Variants in CHD4 observed in about 807,000 individuals in gnomAD.
CHD4 encodes the protein chromodomain helicase DNA binding protein 4.
Under a neutral mutation model 235.5 loss-of-function variants are expected in CHD4, and 35 were observed. The observed-to-expected ratio is 0.15, with a 90% CI of 0.11 to 0.20. The LOEUF is 0.20. CHD4 is among the 10% of genes least tolerant of loss of function. The probability of loss-of-function intolerance (pLI) is 1.00; values close to 1 mark genes in which losing one functional copy is unlikely to be tolerated. For synonymous variants in CHD4, 900 were observed against 850.2 expected, an observed-to-expected ratio of 1.06 and a Z score of -1.02; for missense variants, 1,329 against 2,432.3, an observed-to-expected ratio of 0.55 and a Z score of 9.54.
At chr12:6,595,181 G>A (rs141751837) in intron 14 of CHD4, among the ~76,000 whole-genome samples, 153 bp downstream of exon 14, 1 of 151,378 alleles carries the variant, frequency 6.6e-6, no homozygotes. Flanking sequence ...CTGATATATA[G>A]AGATGTGGAG....
intron 2 of CHD4, among the ~76,000 whole-genome samples, chr12:6,605,719 G>T (rs916960605): frequency 6.6e-6 from 1 of 152,100 alleles, no homozygotes; most frequent in Non-Finnish European, 1.5e-5. Context: ...CTGCCTGGCT[G>T]CTTTAAGCAC....
At chr12:6,586,386 G>A (rs1350326812) in intron 25 of CHD4, among the ~76,000 whole-genome samples, 1 of 152,040 alleles carries the variant, frequency 6.6e-6, no homozygotes, top group Non-Finnish European at 1.5e-5. Flanking sequence ...GGGGGAGAGA[G>A]TGAGATTCCA....
rs754440306 is a variant in CHD4, at chr12:6,578,856, T to G, written c.4971A>C (p.Val1657=). The change falls in exon 34 of 40, where the codon GTA becomes GTC. Residue 1657 remains valine, a synonymous_variant. Transcript: ENST00000544040. ...KSAIDLTPIV[V]EDKEEKKEEE... ...TCTCCAAACACCCACCTTTGTCTTCTACCACAATAGGGGTCAGATCTATTG... is the reference window on the plus strand; with the variant it reads ...TCTCCAAACACCCACCTTTGTCTTCGACCACAATAGGGGTCAGATCTATTG... 5 of 1,614,086 alleles carry G rather than the reference T, an allele frequency of 3.1e-6. No individual in the cohort carries two copies. Among genetic ancestry groups the G allele is most frequent in the Middle Eastern group, 3.3e-4 (2 of 6,084 alleles).
rs775416082 is a variant in CHD4, at chr12:6,601,654, A to C, written c.551T>G (p.Phe184Cys). 1 of 1,614,102 alleles carries C rather than the reference A, an allele frequency of 6.2e-7. No individual in the cohort carries two copies. Among genetic ancestry groups the C allele is most frequent in the Non-Finnish European group, 8.5e-7 (1 of 1,179,988 alleles). ...TLTNYKAFSQFVRPLIAAKNP... is the reference protein window; with the variant it reads ...TLTNYKAFSQCVRPLIAAKNP... The stretch of plus-strand genomic sequence containing the variant: ...CAAACCCCTTCTGTTTTACCTGACA[A>C]ACTGGCTGAAGGCCTTGTAGTTGGT... Residue 184 changes from phenylalanine (F) to cysteine (C), a missense_variant, in exon 5 of 40, where the codon TTT becomes TGT. Phe to Cys is a radical substitution (Grantham distance 205). This residue lies in a region of CHD4 where 39 missense variants were observed against 86.6 expected (regional missense o/e 0.45). Transcript: ENST00000544040.
chr12:6,578,961 A>G lies in CHD4; in HGVS notation c.4910-44T>C, dbSNP rs201933013. 12 of 1,554,728 alleles carry G rather than the reference A, an allele frequency of 7.7e-6. No individual in the cohort carries two copies. In the African/African-American group the frequency reaches 9.5e-5, roughly 12 times the overall value. ...TTGAGACTATACCTAAAGGAAGAACATTCTCCTCTGTTGCACACTATTATC... is the reference window on the plus strand; with the variant it reads ...TTGAGACTATACCTAAAGGAAGAACGTTCTCCTCTGTTGCACACTATTATC... On this transcript the variant is annotated intron_variant, in intron 33 of 39. Transcript: ENST00000544040.
intron 1 of CHD4, 148 bp from the exon 2 acceptor site, chr12:6,606,599 C>T (rs1354413437): frequency 1.9e-5 from 8 of 418,488 alleles, no homozygotes; most frequent in Non-Finnish European, 3.4e-5. Context: ...CCACACTCCT[C>T]GGGGGCAGCC....
intron 37 of CHD4, among the ~76,000 whole-genome samples, chr12:6,574,609 T>C (rs1948037137): frequency 6.6e-6 from 1 of 152,242 alleles, no homozygotes; most frequent in South Asian, 2.1e-4. Flanking sequence ...GATGATTTGA[T>C]GCTTCTCAAA....
In CHD4 at chr12:6,599,020, C is replaced by T. The variant is rs986875882; in HGVS notation, c.1483-595G>A. Among the ~76,000 whole-genome samples the T allele has an allele frequency of 5.9e-5, 9 of 152,210 alleles. No homozygotes were observed. The East Asian group carries it at 7.7e-4, about 13-fold the overall frequency. On this transcript the variant is annotated intron_variant, in intron 10 of 39. Transcript: ENST00000544040. ...ATTTGCGTGCCACCATCACTCCTATCTGCTTAACAGAGCCAGTAGTTAGAC... is the reference window on the plus strand; with the variant it reads ...ATTTGCGTGCCACCATCACTCCTATTTGCTTAACAGAGCCAGTAGTTAGAC...
chr12:6,578,954 G>T, intron 33 of CHD4, 37 bp from the exon 34 acceptor site: 1 of 1,578,082 alleles, frequency 6.3e-7, no homozygotes, highest in Non-Finnish European at 8.7e-7. Context: ...ATACCTAAAG[G>T]AAGAACATTC....
chr12:6,602,201 G>A, intron 3 of CHD4, 26 bp from the exon 4 acceptor site: 1 of 1,611,992 alleles, frequency 6.2e-7, no homozygotes, highest in Non-Finnish European at 8.5e-7. Flanking sequence ...GGGGGAAGAG[G>A]GAGACAGACA....
In CHD4 at chr12:6,600,017, A is replaced by G. The variant is rs572567744; in HGVS notation, c.1243-5T>C. On this transcript the variant is annotated splice_polypyrimidine_tract_variant and splice_region_variant and intron_variant, in intron 9 of 39. Transcript: ENST00000544040. ...CCACTGGATGCCTTCCTTCTCCTGC[A>G]GTAAAGGACCACAGATTCAGATTAT... The G allele has an allele frequency of 5.6e-5, 90 of 1,613,956 alleles. 1 individual carries two copies. In the South Asian group the frequency reaches 9.6e-4, roughly 17 times the overall value.
intron 2 of CHD4, among the ~76,000 whole-genome samples, chr12:6,605,563 T>A (rs1472706880): frequency 6.6e-6 from 1 of 152,066 alleles, no homozygotes; most frequent in African/African-American, 2.4e-5. Flanking sequence ...GGCTACCTCA[T>A]AGAGACAGAA....
In CHD4 at chr12:6,587,212, T is replaced by A. The variant is rs545676486; in HGVS notation, c.3879+172A>T. ...AGTTTTCTGACAACCAAGGCAAAGA[T>A]GAAAATCTGATTAGTCATGTTATCA... On this transcript the variant is annotated intron_variant, in intron 25 of 39. Transcript: ENST00000544040. The A allele has an allele frequency of 6.2e-6, 4 of 641,346 alleles. No individual in the cohort carries two copies. The South Asian group carries it at 9.1e-5, about 15-fold the overall frequency. 39.7% of individuals were successfully genotyped at this position (641,346 alleles called of 1,614,324 possible).
chr12:6,592,115 T>C (rs1166300884), intron 19 of CHD4, 58 bp from the exon 20 acceptor site: 3 of 1,596,060 alleles, frequency 1.9e-6, no homozygotes, highest in African/African-American at 1.3e-5. Flanking sequence ...TGACTAATAA[T>C]GCAGTGCCAA....
At chr12:6,601,129 G>A (rs1948582430) in intron 6 of CHD4, 76 bp from the exon 7 acceptor site, 1 of 1,523,596 alleles carries the variant, frequency 6.6e-7, no homozygotes, top group Non-Finnish European at 8.8e-7. Flanking sequence ...ACCTAAGCTT[G>A]CTTCCCCACA....
At position 6,602,460 on chromosome 12, in the gene CHD4, T is replaced by C. The variant is rs749805831; in HGVS notation, c.138A>G (p.Thr46=). ...EEDPEEDLSE[T]ETPKLKKKKK... is the part of the protein sequence containing the mutation. ...TCTTCTTCTTGAGCTTTGGAGTCTCTGTTTCTGACAAATCCTCTTCTGGGT... is the reference window on the plus strand; with the variant it reads ...TCTTCTTCTTGAGCTTTGGAGTCTCCGTTTCTGACAAATCCTCTTCTGGGT... The change falls in exon 3 of 40, where the codon ACA becomes ACG. Residue 46 remains threonine (T), a synonymous_variant. Transcript: ENST00000544040. The C allele has an allele frequency of 2.5e-6, 4 of 1,614,084 alleles. No individual in the cohort carries two copies. Among genetic ancestry groups the C allele is most frequent in the Middle Eastern group, 1.6e-4 (1 of 6,062 alleles).
chr12:6,606,465 G>C lies in CHD4; in HGVS notation c.-78-14C>G, dbSNP rs71584859. The C allele has an allele frequency of 7.7e-5, 52 of 675,298 alleles. No homozygotes were observed. Among genetic ancestry groups the C allele is most frequent in the Middle Eastern group, 7.4e-4 (2 of 2,690 alleles). 41.8% of individuals were successfully genotyped at this position (675,298 alleles called of 1,614,324 possible). A position where few individuals can be genotyped will look rare whatever the true frequency, so the allele number is the denominator to read the frequency against. ...TGGCCCGAGTCACTGTGCGGGGGAGGGGGGAGAAACACAGAACAGTCAGTG... is the reference window on the plus strand; with the variant it reads ...TGGCCCGAGTCACTGTGCGGGGGAGCGGGGAGAAACACAGAACAGTCAGTG... On this transcript the variant is annotated splice_polypyrimidine_tract_variant and intron_variant, in intron 1 of 39. Coordinates refer to ENST00000544040, the MANE Select transcript of CHD4 (RefSeq NM_001273.5).
In CHD4 at chr12:6,604,382, G is replaced by A. The variant is rs1431947566; in HGVS notation, c.101-1885C>T. On this transcript the variant is annotated intron_variant, in intron 2 of 39. Transcript: ENST00000544040. ...CTCTGGCTCCCCACTTCCTGAGCTA[G>A]ACAGATACTAGGGAATGAGACATTA... is the stretch of plus-strand genomic sequence containing the variant. Among the ~76,000 whole-genome samples the A allele has an allele frequency of 3.3e-5, 5 of 152,232 alleles. No individual in the cohort carries two copies. In the South Asian group the frequency reaches 6.2e-4, roughly 19 times the overall value.
intron 25 of CHD4, chr12:6,586,692 CTCTT>C (rs1003003013): frequency 5.3e-5 from 8 of 151,936 alleles, no homozygotes; most frequent in Admixed American, 6.6e-5. Flanking sequence ...AAGACCCTGT[CTCTT>C]TTTTTGTTGT....
Sources: gnomAD v4.1 joint callset for allele counts (sites outside exome capture counted in the v4.1 genomes callset) on GRCh38, gnomAD v4.1.1 for gene constraint, gnomAD v4.1.1 regional missense constraint, MANE v1.5 for transcripts, NCBI Gene and HGNC (gene_info 2026-07-23, HGNC 2026-07-21) for gene names.